Variants in SH3RF1 observed in about 807,000 individuals in gnomAD.
SH3RF1 encodes the protein E3 ubiquitin-protein ligase SH3RF1.
In SH3RF1, 32 loss-of-function variants were observed where a neutral mutation model predicts 74.0. The observed-to-expected ratio is 0.43, with a 90% CI of 0.33 to 0.58. SH3RF1 has a LOEUF of 0.58. SH3RF1 is among the 20% of genes least tolerant of loss of function. The probability of loss-of-function intolerance (pLI) is 0.05; values close to 1 mark genes in which losing one functional copy is unlikely to be tolerated. For synonymous variants in SH3RF1, 396 were observed against 439.6 expected, an observed-to-expected ratio of 0.90 and a Z score of 1.24; for missense variants, 954 against 1,130.9, an observed-to-expected ratio of 0.84 and a Z score of 2.24.
intron 3 of SH3RF1, 120 bp from the exon 4 acceptor site, chr4:169,155,695 T>C (rs1385943675): frequency 1.4e-6 from 1 of 732,994 alleles, no homozygotes; most frequent in African/African-American, 1.8e-5. Context: ...ATAAAAATGC[T>C]ATGACATATC....
At chr4:169,263,097 C>T (rs1263931182) in intron 2 of SH3RF1, among the ~76,000 whole-genome samples, 5 of 152,126 alleles carry the variant, frequency 3.3e-5, no homozygotes. Flanking sequence ...TGCTTGGGTC[C>T]GGTATGAGTT....
intron 2 of SH3RF1, among the ~76,000 whole-genome samples, chr4:169,179,682 G>C (rs145700315): frequency 2.6e-5 from 4 of 152,244 alleles, no homozygotes; most frequent in African/African-American, 7.2e-5. Context: ...AGAGCCCCAC[G>C]CAAAGACAAC....
chr4:169,165,949 C>T (rs6858436), intron 2 of SH3RF1, among the ~76,000 whole-genome samples: 60,548 of 151,802 alleles, frequency 0.4, 12,709 homozygotes, highest in African/African-American at 0.55. Flanking sequence ...TCACACTATA[C>T]ACAAAAATTA....
chr4:169,121,998 A>G (rs1306844014), intron 7 of SH3RF1, 102 bp downstream of exon 7: 17 of 1,470,704 alleles, frequency 1.2e-5, no homozygotes, highest in Non-Finnish European at 1.5e-5. Flanking sequence ...GTGAGCCATA[A>G]CGCTGTCATC....
At chr4:169,264,047 C>T (rs112168666) in intron 2 of SH3RF1, among the ~76,000 whole-genome samples, 6 of 152,214 alleles carry the variant, frequency 3.9e-5, no homozygotes, top group African/African-American at 1.4e-4. Flanking sequence ...GGCAGTGGAC[C>T]GAGAGGCCAC....
intron 2 of SH3RF1, among the ~76,000 whole-genome samples, chr4:169,212,087 A>G (rs2660418): frequency 0.92 from 100,447 of 108,622 alleles, 46,561 homozygotes; most frequent in South Asian, 0.98. Context: ...TTTTTGAGAC[A>G]GAGTTTTGCT....
At chr4:169,182,030 A>C (rs1316529160) in intron 2 of SH3RF1, among the ~76,000 whole-genome samples, 1 of 152,222 alleles carries the variant, frequency 6.6e-6, no homozygotes, top group Non-Finnish European at 1.5e-5. Flanking sequence ...GTCTGGAGCT[A>C]TGCCCAGCAC....
chr4:169,252,449 T>C (rs7675220), intron 2 of SH3RF1, among the ~76,000 whole-genome samples: 3,919 of 152,286 alleles, frequency 0.026, 174 homozygotes, highest in African/African-American at 0.09. Context: ...GCTATGAAAA[T>C]TGCTACTATT....
chr4:169,162,546 T>C (rs1734166196), intron 2 of SH3RF1, among the ~76,000 whole-genome samples: 1 of 152,222 alleles, frequency 6.6e-6, no homozygotes, highest in Non-Finnish European at 1.5e-5. Context: ...TTTCTTAATC[T>C]TCTACCTCCC....
At chr4:169,132,612 GC>G (rs1191111919) in intron 5 of SH3RF1, among the ~76,000 whole-genome samples, 2 of 151,188 alleles carry the variant, frequency 1.3e-5, no homozygotes, top group Admixed American at 6.6e-5. Flanking sequence ...TTTCTGCTGG[GC>G]TTACCCTTTT....
chr4:169,146,796 C>T (rs11932941), intron 4 of SH3RF1, among the ~76,000 whole-genome samples: 1 of 151,634 alleles, frequency 6.6e-6, no homozygotes, highest in Admixed American at 6.6e-5. Context: ...TTTTGGGGAG[C>T]GTAAAAAGCT....
At chr4:169,259,521 C>T (rs1271477644) in intron 2 of SH3RF1, among the ~76,000 whole-genome samples, 2 of 152,102 alleles carry the variant, frequency 1.3e-5, no homozygotes, top group Non-Finnish European at 2.9e-5. Context: ...CAGACATATA[C>T]GCGACAAAAG....
At chr4:169,145,803 A>T (rs1302071410) in intron 4 of SH3RF1, among the ~76,000 whole-genome samples, 3 of 113,900 alleles carry the variant, frequency 2.6e-5, no homozygotes, top group African/African-American at 1.2e-4. Context: ...TCTATATAAA[A>T]TATATATTCT....
At chr4:169,184,995 C>G (rs1016536741) in intron 2 of SH3RF1, among the ~76,000 whole-genome samples, 6 of 152,298 alleles carry the variant, frequency 3.9e-5, no homozygotes, top group African/African-American at 1.4e-4. Flanking sequence ...CCTCCTCATT[C>G]CAGACGTCCT....
At chr4:169,112,791 G>A (rs1733263000) in intron 10 of SH3RF1, among the ~76,000 whole-genome samples, 2 of 152,194 alleles carry the variant, frequency 1.3e-5, no homozygotes, top group South Asian at 4.1e-4. Flanking sequence ...AATTTTGTAA[G>A]AGCTCTTTTA....
intron 2 of SH3RF1, among the ~76,000 whole-genome samples, chr4:169,206,743 G>A (rs771581892): frequency 6.6e-6 from 1 of 152,144 alleles, no homozygotes; most frequent in Non-Finnish European, 1.5e-5. Context: ...AGCCATGGGA[G>A]ACATAAGAAA....
At chr4:169,249,794 T>C (rs560999691) in intron 2 of SH3RF1, among the ~76,000 whole-genome samples, 1 of 152,274 alleles carries the variant, frequency 6.6e-6, no homozygotes, top group East Asian at 1.9e-4. Context: ...ATGACTGCAG[T>C]CATGTTTATG....
chr4:169,245,448 T>C (rs1443903708), intron 2 of SH3RF1, among the ~76,000 whole-genome samples: 1 of 152,212 alleles, frequency 6.6e-6, no homozygotes, highest in Non-Finnish European at 1.5e-5. Context: ...TAAATTTATC[T>C]ATATAGTCCA....
intron 6 of SH3RF1, among the ~76,000 whole-genome samples, chr4:169,125,184 A>G (rs1174535612): frequency 6.6e-6 from 1 of 152,160 alleles, no homozygotes; most frequent in African/African-American, 2.4e-5. Context: ...TCACTGAAGG[A>G]GCATGGCCTT....
Sources: gnomAD v4.1 joint callset for allele counts (sites outside exome capture counted in the v4.1 genomes callset) on GRCh38, gnomAD v4.1.1 for gene constraint, MANE v1.5 for transcripts, NCBI Gene and HGNC (gene_info 2026-07-23, HGNC 2026-07-21) for gene names.